CATSPER3: variants seen among roughly 807,000 people sequenced by gnomAD.
CATSPER3 encodes cation channel sperm-associated protein 3.
In CATSPER3, 23 loss-of-function variants were observed where a neutral mutation model predicts 36.6. That is an observed-to-expected ratio of 0.63 (90% confidence interval 0.45 to 0.89). The LOEUF (loss-of-function observed/expected upper bound fraction) is 0.89. Among genes scored for constraint, CATSPER3 ranks in the 40% least tolerant of loss-of-function variants. The probability of loss-of-function intolerance (pLI) is 0.00; values close to 1 mark genes in which losing one functional copy is unlikely to be tolerated. For missense variants in CATSPER3, 474 were observed against 503.9 expected (o/e 0.94, Z 0.57); for synonymous variants, 172 against 184.1 (o/e 0.93, Z 0.53).
intron 3 of CATSPER3, among the ~76,000 whole-genome samples, chr5:135,007,268 A>G (rs1388906395): frequency 6.6e-6 from 1 of 152,142 alleles, no homozygotes; most frequent in Non-Finnish European, 1.5e-5. Flanking sequence ...GAATGATAAC[A>G]CCTACCTACC....
Position 135,009,056 on chromosome 5 carries a change from G to A in CATSPER3, c.816+75G>A, listed in dbSNP as rs555621582. The A allele has an allele frequency of 1.2e-4, 192 of 1,581,890 alleles. No individual in the cohort carries two copies. In the East Asian group the frequency reaches 4.1e-3, roughly 34 times the overall value. ...GAGCTGTAGGGCAAGTCTCCAGGGA[G>A]GACCTGGAGCTGTGTAGCTGTGTCT... On this transcript the variant is annotated intron_variant, in intron 5 of 7. Coordinates refer to ENST00000282611, the MANE Select transcript of CATSPER3 (RefSeq NM_178019.3).
intron 2 of CATSPER3, among the ~76,000 whole-genome samples, chr5:134,989,311 C>T (rs1235907458): frequency 6.6e-6 from 1 of 152,168 alleles, no homozygotes; most frequent in Non-Finnish European, 1.5e-5. Flanking sequence ...ACAAGAGAGT[C>T]AGCCTGTCCT....
intron 3 of CATSPER3, among the ~76,000 whole-genome samples, chr5:135,006,755 A>C (rs916082064): frequency 6.7e-6 from 1 of 150,232 alleles, no homozygotes; most frequent in Non-Finnish European, 1.5e-5. Flanking sequence ...GGAGAATGGC[A>C]TGAACCCGGG....
chr5:134,988,683 T>A (rs969334149), intron 2 of CATSPER3, among the ~76,000 whole-genome samples: 1 of 152,210 alleles, frequency 6.6e-6, no homozygotes, highest in African/African-American at 2.4e-5. Context: ...TCTAGTTCAC[T>A]TGCTATTTCC....
At chr5:134,977,843 G>C (rs907212369) in intron 2 of CATSPER3, among the ~76,000 whole-genome samples, 7 of 152,122 alleles carry the variant, frequency 4.6e-5, no homozygotes, top group South Asian at 2.1e-4. Flanking sequence ...TTTTGGTGAG[G>C]GTCCCAGGAA....
At chr5:134,986,854 A>G (rs1189260044) in intron 2 of CATSPER3, among the ~76,000 whole-genome samples, 1 of 152,210 alleles carries the variant, frequency 6.6e-6, no homozygotes, top group East Asian at 1.9e-4. Context: ...CAAAACTCAT[A>G]GGATGCAGTG....
chr5:135,006,699 G>A (rs919971683), intron 3 of CATSPER3, among the ~76,000 whole-genome samples: 12 of 151,782 alleles, frequency 7.9e-5, no homozygotes, highest in Admixed American at 7.2e-4. Context: ...TTAGCCGGGC[G>A]CAGTGGCGGG....
At chr5:134,970,974 A>G (rs1751598303) in intron 2 of CATSPER3, among the ~76,000 whole-genome samples, 4 of 151,426 alleles carry the variant, frequency 2.6e-5, no homozygotes, top group Admixed American at 6.6e-5. Context: ...TTTTGAGACG[A>G]AGTCTCGCTC....
At chr5:135,010,307 C>T (rs1752164907) in intron 6 of CATSPER3, 66 bp from the exon 7 acceptor site, 15 of 1,411,060 alleles carry the variant, frequency 1.1e-5, no homozygotes, top group Middle Eastern at 3.5e-4. Flanking sequence ...GGAGAGTCTC[C>T]ATGTCTCTGT....
rs1317554088 is a variant in CATSPER3 at position 135,009,387 on chromosome 5, T to C, written c.833T>C (p.Phe278Ser). The C allele has an allele frequency of 1.2e-6, 2 of 1,613,468 alleles. No individual in the cohort carries two copies. The highest frequency in any genetic ancestry group is 1.3e-5 in the African/African-American group (1 of 75,020). Reference sequence around the variant, plus strand: ...ACTCTCTAGGACTCCATCAGAAAGTTTGAGCGAGAGCTGATGTTGGAGCAG... The same window carrying C: ...ACTCTCTAGGACTCCATCAGAAAGTCTGAGCGAGAGCTGATGTTGGAGCAG... ...IMHTEDSIRK[F>S]ERELMLEQQE... Residue 278 changes from phenylalanine (F) to serine (S), a missense_variant, in exon 6 of 8, where the codon TTT (phenylalanine) becomes TCT (serine). Transcript: ENST00000282611.
intron 2 of CATSPER3, among the ~76,000 whole-genome samples, chr5:134,989,110 G>A (rs1462951236): frequency 6.6e-6 from 1 of 152,104 alleles, no homozygotes; most frequent in African/African-American, 2.4e-5. Flanking sequence ...CTGAGCAATA[G>A]GTCTCAACAG....
intron 3 of CATSPER3, among the ~76,000 whole-genome samples, chr5:135,002,711 A>C (rs1752036515): frequency 6.6e-6 from 1 of 152,122 alleles, no homozygotes; most frequent in Non-Finnish European, 1.5e-5. Flanking sequence ...TTTGATCTTC[A>C]ATCACTGATA....
At position 134,969,976 on chromosome 5, in the gene CATSPER3, G is replaced by A. The variant is rs761253604; in HGVS notation, c.136G>A (p.Val46Ile). 1.9e-6 allele frequency: 3 copies of A among 1,614,086 alleles called. No homozygotes were observed. The highest frequency in any genetic ancestry group is 1.7e-6 in the Non-Finnish European group (2 of 1,180,006). ...TGAATGTCGGGCATTTGTGAAGAGA[G>A]TCATAATGAGCCGTTTCTTTAAGAT... ...DDECRAFVKR[V>I]IMSRFFKIIM... Residue 46 changes from valine to isoleucine, a missense_variant, in exon 2 of 8, where the codon GTC (valine) becomes ATC (isoleucine). Physicochemically the swap from Val to Ile is conservative, Grantham distance 29 (BLOSUM62 3). Coordinates refer to ENST00000282611, the MANE Select transcript of CATSPER3 (RefSeq NM_178019.3).
At chr5:134,974,791 G>A (rs1751648429) in intron 2 of CATSPER3, among the ~76,000 whole-genome samples, 1 of 152,156 alleles carries the variant, frequency 6.6e-6, no homozygotes, top group African/African-American at 2.4e-5. Context: ...TGTTGGTATG[G>A]CAGTGAATTC....
intron 2 of CATSPER3, among the ~76,000 whole-genome samples, chr5:134,976,591 G>A (rs1751677957): frequency 6.6e-6 from 1 of 152,212 alleles, no homozygotes; most frequent in Non-Finnish European, 1.5e-5. Context: ...GGTCTGGAGA[G>A]CAGTGGGTCC....
chr5:134,982,398 G>A (rs1011471523), intron 2 of CATSPER3, among the ~76,000 whole-genome samples: 9 of 152,240 alleles, frequency 5.9e-5, no homozygotes, highest in African/African-American at 2.2e-4. Context: ...ACTAAGACAT[G>A]TAATCAAACT....
intron 2 of CATSPER3, among the ~76,000 whole-genome samples, chr5:134,995,070 G>C (rs574187131): frequency 6.6e-4 from 96 of 144,902 alleles, no homozygotes; most frequent in African/African-American, 2.4e-3. Flanking sequence ...TACATATTTT[G>C]GGCTACTTGA....
intron 3 of CATSPER3, among the ~76,000 whole-genome samples, chr5:135,002,961 T>G (rs1230401541): frequency 1.3e-5 from 2 of 152,240 alleles, no homozygotes; most frequent in African/African-American, 2.4e-5. Context: ...CTCATCAAAG[T>G]CATTCTCCAT....
Position 134,975,867 on chromosome 5 carries a change from C to T in CATSPER3, c.252+5775C>T, listed in dbSNP as rs551658686. On this transcript the variant is annotated intron_variant, in intron 2 of 7. Transcript: ENST00000282611. ...GTTCTGAATAGCCAAGATATGGAAT[C>T]AACCTAAGTGTTCATCAATGGATGA... Among the ~76,000 whole-genome samples the T allele has an allele frequency of 5.9e-5, 9 of 152,294 alleles. No homozygotes were observed. In the South Asian group the frequency reaches 1.9e-3, roughly 32 times the overall value.
Sources: gnomAD v4.1 joint callset for allele counts (sites outside exome capture counted in the v4.1 genomes callset) on GRCh38, gnomAD v4.1.1 for gene constraint, MANE v1.5 for transcripts, NCBI Gene and HGNC (gene_info 2026-07-23, HGNC 2026-07-21) for gene names.